The following KCND2 variants were observed in gnomAD, a reference collection of about 807,000 sequenced individuals.
KCND2 encodes A-type voltage-gated potassium channel KCND2.
In KCND2, 16 loss-of-function variants were observed where a neutral mutation model predicts 54.4. The observed-to-expected ratio is 0.29, with a 90% CI of 0.20 to 0.45. The LOEUF is 0.45. Ranked by LOEUF, KCND2 falls within the 20% of genes least tolerant of loss-of-function variation. The pLI, the probability that KCND2 is intolerant of heterozygous loss-of-function variation, is 1.00. For synonymous variants in KCND2, 317 were observed against 310.7 expected (o/e 1.02, Z -0.21); for missense variants, 486 against 824.2 (o/e 0.59, Z 5.02).
At chr7:120,667,915 A>G (rs1352886634) in intron 1 of KCND2, among the ~76,000 whole-genome samples, 2 of 152,092 alleles carry the variant, frequency 1.3e-5, no homozygotes, top group Non-Finnish European at 2.9e-5. Context: ...ACAACATGTA[A>G]TACCAAAGTA....
At chr7:120,445,507 G>A (rs1266684688) in intron 1 of KCND2, among the ~76,000 whole-genome samples, 1 of 152,036 alleles carries the variant, frequency 6.6e-6, no homozygotes, top group Non-Finnish European at 1.5e-5. Flanking sequence ...TGCTGGACCT[G>A]TTTCCTTATT....
intron 1 of KCND2, among the ~76,000 whole-genome samples, chr7:120,618,633 G>T (rs1248282731): frequency 6.6e-6 from 1 of 151,748 alleles, no homozygotes; most frequent in Non-Finnish European, 1.5e-5. Flanking sequence ...TTGTCTTCCT[G>T]CTCGTGTGTA....
intron 1 of KCND2, among the ~76,000 whole-genome samples, chr7:120,513,226 T>C (rs766064442): frequency 6.6e-6 from 1 of 152,190 alleles, no homozygotes; most frequent in Non-Finnish European, 1.5e-5. Context: ...ACAAACGTGC[T>C]GAAGCAGGTT....
intron 1 of KCND2, among the ~76,000 whole-genome samples, chr7:120,384,156 A>C (rs190003902): frequency 6.6e-6 from 1 of 151,888 alleles, no homozygotes; most frequent in African/African-American, 2.4e-5. Flanking sequence ...GTTATGTTGC[A>C]TTGTTTTCTT....
In KCND2 at chr7:120,274,621, CT is replaced by C. The variant is rs1394041480; in HGVS notation, c.-10del. On this transcript the variant is annotated 5_prime_UTR_variant, in exon 1 of 6. Transcript: ENST00000331113. ...CGCCTCGTTACCCTTCTTCCTTCCGCTTCAAGTAATCATGGCGGCGGGGGTG... is the reference window on the plus strand; with the variant it reads ...CGCCTCGTTACCCTTCTTCCTTCCGCTCAAGTAATCATGGCGGCGGGGGTG... 1.2e-6 allele frequency: 2 copies of C among 1,614,170 alleles called. No individual in the cohort carries two copies. Among genetic ancestry groups the C allele is most frequent in the South Asian group, 2.2e-5 (2 of 91,082 alleles).
intron 1 of KCND2, among the ~76,000 whole-genome samples, chr7:120,644,077 C>T (rs1206255239): frequency 6.6e-6 from 1 of 151,940 alleles, no homozygotes; most frequent in South Asian, 2.1e-4. Flanking sequence ...TAAATTATAT[C>T]CCATTCTCAT....
chr7:120,315,151 A>G (rs1468634496), intron 1 of KCND2, among the ~76,000 whole-genome samples: 3 of 152,168 alleles, frequency 2.0e-5, no homozygotes, highest in Admixed American at 1.3e-4. Flanking sequence ...TTTCAGATCC[A>G]TGCAAGCTTG....
intron 1 of KCND2, among the ~76,000 whole-genome samples, chr7:120,540,836 G>A (rs1275242505): frequency 1.3e-5 from 2 of 152,074 alleles, no homozygotes; most frequent in Non-Finnish European, 2.9e-5. Flanking sequence ...ACAATTTTAA[G>A]TACTTTCAAT....
At chr7:120,419,729 T>C (rs1801582500) in intron 1 of KCND2, among the ~76,000 whole-genome samples, 1 of 152,152 alleles carries the variant, frequency 6.6e-6, no homozygotes, top group Admixed American at 6.6e-5. Context: ...AGTAACCCAG[T>C]GTATCCTCTC....
chr7:120,351,039 G>A (rs897337292), intron 1 of KCND2, among the ~76,000 whole-genome samples: 3 of 151,306 alleles, frequency 2.0e-5, no homozygotes, highest in African/African-American at 4.8e-5. Context: ...AATCAAGTGG[G>A]TTTTTTTGGT....
At chr7:120,473,259 C>T (rs1465042781) in intron 1 of KCND2, among the ~76,000 whole-genome samples, 2 of 152,172 alleles carry the variant, frequency 1.3e-5, no homozygotes, top group African/African-American at 4.8e-5. Context: ...AGATATTCTT[C>T]CCTAACCTAG....
At chr7:120,534,804 T>A (rs2116369844) in intron 1 of KCND2, among the ~76,000 whole-genome samples, 1 of 152,264 alleles carries the variant, frequency 6.6e-6, no homozygotes, top group African/African-American at 2.4e-5. Context: ...TTTAAGGATG[T>A]CTCTTGTACT....
intron 1 of KCND2, among the ~76,000 whole-genome samples, chr7:120,493,881 A>C (rs570238022): frequency 3.0e-4 from 46 of 152,266 alleles, no homozygotes; most frequent in African/African-American, 1.0e-3. Flanking sequence ...CATATATCTA[A>C]ATATGTAATT....
intron 1 of KCND2, among the ~76,000 whole-genome samples, chr7:120,495,534 C>T (rs1802836510): frequency 1.3e-5 from 2 of 152,148 alleles, no homozygotes; most frequent in African/African-American, 4.8e-5. Flanking sequence ...GGCTGATCAA[C>T]CTAATGCATT....
chr7:120,471,611 A>G (rs1339772942), intron 1 of KCND2, among the ~76,000 whole-genome samples: 1 of 152,084 alleles, frequency 6.6e-6, no homozygotes, highest in Non-Finnish European at 1.5e-5. Context: ...CTTGTAGCCT[A>G]TTTAATCTCT....
At chr7:120,717,053 C>T (rs1792612084) in intron 1 of KCND2, among the ~76,000 whole-genome samples, 1 of 152,038 alleles carries the variant, frequency 6.6e-6, no homozygotes, top group South Asian at 2.1e-4. Flanking sequence ...CATGGTTTTT[C>T]TCCCTCGTAA....
At chr7:120,485,224 T>G (rs1380461495) in intron 1 of KCND2, among the ~76,000 whole-genome samples, 1 of 152,140 alleles carries the variant, frequency 6.6e-6, no homozygotes, top group East Asian at 1.9e-4. Flanking sequence ...TAACATATTG[T>G]TACAATAATG....
intron 1 of KCND2, among the ~76,000 whole-genome samples, chr7:120,409,901 C>A (rs914347559): frequency 4.6e-5 from 7 of 151,770 alleles, no homozygotes; most frequent in Non-Finnish European, 5.9e-5. Context: ...TGATCAACTA[C>A]AGTTTATCAT....
At chr7:120,524,042 A>C (rs1423383423) in intron 1 of KCND2, among the ~76,000 whole-genome samples, 1 of 151,782 alleles carries the variant, frequency 6.6e-6, no homozygotes, top group African/African-American at 2.4e-5. Flanking sequence ...TGGAGACCGG[A>C]CTGTGCAACA....
Sources: gnomAD v4.1 joint callset for allele counts (sites outside exome capture counted in the v4.1 genomes callset) on GRCh38, gnomAD v4.1.1 for gene constraint, MANE v1.5 for transcripts, NCBI Gene and HGNC (gene_info 2026-07-23, HGNC 2026-07-21) for gene names.